RBMS3: variants seen among roughly 807,000 people sequenced by gnomAD.
RBMS3 encodes RNA-binding motif, single-stranded-interacting protein 3.
A neutral mutation model predicts 66.8 loss-of-function variants in RBMS3; 27 were observed. That is an observed-to-expected ratio of 0.40 (90% CI 0.30 to 0.56). RBMS3 has a LOEUF of 0.56. RBMS3 is among the 20% of genes least tolerant of loss of function. RBMS3 has a pLI of 0.40. For missense variants in RBMS3, 513 were observed against 549.5 expected, an observed-to-expected ratio of 0.93 and a Z score of 0.66; for synonymous variants, 188 against 183.0, an observed-to-expected ratio of 1.03 and a Z score of -0.22.
intron 1 of RBMS3, among the ~76,000 whole-genome samples, chr3:29,340,035 C>G (rs2036189753): frequency 6.6e-6 from 1 of 152,122 alleles, no homozygotes. Flanking sequence ...TGCATTTTTG[C>G]TGAGGACAGG....
chr3:29,966,715 C>A (rs1328797763), intron 12 of RBMS3, among the ~76,000 whole-genome samples: 3 of 152,176 alleles, frequency 2.0e-5, no homozygotes, highest in Non-Finnish European at 4.4e-5. Flanking sequence ...CTGGCTAGGA[C>A]TTCCAGTACT....
chr3:29,882,229 T>C (rs867030356), intron 7 of RBMS3, among the ~76,000 whole-genome samples: 2 of 152,118 alleles, frequency 1.3e-5, no homozygotes, highest in South Asian at 4.1e-4. Context: ...CTCCAGCCAG[T>C]CATGTGGCAG....
chr3:29,480,922 A>T (rs886653484), intron 2 of RBMS3, among the ~76,000 whole-genome samples: 1 of 152,060 alleles, frequency 6.6e-6, no homozygotes, highest in Non-Finnish European at 1.5e-5. Flanking sequence ...AAGGAGAAGC[A>T]GGTCTTCTTT....
intron 6 of RBMS3, among the ~76,000 whole-genome samples, chr3:29,820,601 TTTTGCCCTAAGATA>T (rs1374866624): frequency 6.6e-6 from 1 of 152,172 alleles, no homozygotes; most frequent in Non-Finnish European, 1.5e-5. Flanking sequence ...AAGTATCCCC[TTTTGCCCTAAGATA>T]TTTTCTGTCA....
chr3:29,962,568 A>ATATATATATATAT (rs199824648), intron 12 of RBMS3, among the ~76,000 whole-genome samples: 11 of 149,492 alleles, frequency 7.4e-5, no homozygotes, highest in South Asian at 4.3e-4. Context: ...ATATATATAT[A>ATATATATATATAT]ATACCATACC....
At chr3:29,884,361 TC>T (rs1322441866) in intron 8 of RBMS3, 153 bp downstream of exon 8, 3 of 678,700 alleles carry the variant, frequency 4.4e-6, no homozygotes, top group African/African-American at 1.8e-5. Flanking sequence ...ATAGTTTTTT[TC>T]ATCCTATAAA....
chr3:29,621,325 C>T (rs965365374), intron 4 of RBMS3, among the ~76,000 whole-genome samples: 6 of 152,064 alleles, frequency 3.9e-5, no homozygotes, highest in Admixed American at 1.3e-4. Context: ...GGAATGAAAA[C>T]GTAAATGCAG....
intron 4 of RBMS3, among the ~76,000 whole-genome samples, chr3:29,673,813 C>T (rs1312861718): frequency 2.0e-5 from 3 of 152,122 alleles, no homozygotes; most frequent in Non-Finnish European, 4.4e-5. Flanking sequence ...CAGCCGAATT[C>T]TACTAGAGGT....
chr3:29,690,959 C>T (rs1465961076), intron 4 of RBMS3, among the ~76,000 whole-genome samples: 1 of 152,112 alleles, frequency 6.6e-6, no homozygotes, highest in African/African-American at 2.4e-5. Context: ...TCATAATTAG[C>T]ATGTGCTTAA....
intron 12 of RBMS3, among the ~76,000 whole-genome samples, chr3:29,953,014 A>C (rs1187409544): frequency 6.6e-6 from 1 of 151,972 alleles, no homozygotes; most frequent in Non-Finnish European, 1.5e-5. Context: ...AACTATAGTC[A>C]AACATAGTTA....
intron 11 of RBMS3, among the ~76,000 whole-genome samples, chr3:29,942,607 G>A (rs954970992): frequency 1.3e-5 from 2 of 151,766 alleles, no homozygotes; most frequent in Non-Finnish European, 1.5e-5. Flanking sequence ...CTCTAAAGAA[G>A]TATTATAAGG....
intron 4 of RBMS3, among the ~76,000 whole-genome samples, chr3:29,677,745 A>G (rs1348513268): frequency 6.6e-6 from 1 of 151,874 alleles, no homozygotes; most frequent in Non-Finnish European, 1.5e-5. Flanking sequence ...CCTTTTTTCC[A>G]CAGGCAGTCT....
At chr3:29,642,009 G>C (rs771160891) in intron 4 of RBMS3, among the ~76,000 whole-genome samples, 89 of 152,064 alleles carry the variant, frequency 5.9e-4, no homozygotes, top group Non-Finnish European at 6.9e-4. Context: ...CATTTCTTAG[G>C]CATTTTATGA....
intron 4 of RBMS3, chr3:29,617,017 C>T (rs1233006294): frequency 6.6e-6 from 1 of 152,088 alleles, no homozygotes; most frequent in Non-Finnish European, 1.5e-5. Context: ...TTTATTTTCA[C>T]TGCAGTGCAT....
intron 3 of RBMS3, among the ~76,000 whole-genome samples, chr3:29,522,508 G>A (rs1274437946): frequency 1.3e-5 from 2 of 152,008 alleles, no homozygotes; most frequent in African/African-American, 4.8e-5. Flanking sequence ...TCTAGGTTTC[G>A]AGGGATAGTG....
chr3:29,288,118 G>A (rs1199071131), intron 1 of RBMS3, among the ~76,000 whole-genome samples: 1 of 151,924 alleles, frequency 6.6e-6, no homozygotes, highest in Middle Eastern at 3.2e-3. Flanking sequence ...CTATCATTTT[G>A]TGGGGGAATT....
At chr3:29,933,124 A>G (rs551853160) in intron 10 of RBMS3, among the ~76,000 whole-genome samples, 2 of 152,294 alleles carry the variant, frequency 1.3e-5, no homozygotes, top group African/African-American at 4.8e-5. Context: ...GTCAGACACC[A>G]CATCCTATAC....
intron 4 of RBMS3, among the ~76,000 whole-genome samples, chr3:29,707,577 A>T (rs2052961874): frequency 6.6e-6 from 1 of 152,240 alleles, no homozygotes; most frequent in African/African-American, 2.4e-5. Context: ...TTTTGCACAC[A>T]CAAAAAAGCT....
At chr3:29,909,033 C>T (rs1223083262) in intron 10 of RBMS3, among the ~76,000 whole-genome samples, 3 of 151,936 alleles carry the variant, frequency 2.0e-5, no homozygotes, top group Non-Finnish European at 4.4e-5. Flanking sequence ...AAAAAGAGAA[C>T]ATTTTAAGTG....
Sources: gnomAD v4.1 joint callset for allele counts (sites outside exome capture counted in the v4.1 genomes callset) on GRCh38, gnomAD v4.1.1 for gene constraint, MANE v1.5 for transcripts, NCBI Gene and HGNC (gene_info 2026-07-23, HGNC 2026-07-21) for gene names.